The following NAALADL2 variants were observed in gnomAD, a reference collection of about 807,000 sequenced individuals.
NAALADL2 encodes N-acetylated alpha-linked acidic dipeptidase like 2, also known as inactive N-acetylated-alpha-linked acidic dipeptidase-like protein 2.
NAALADL2 carries 76 observed loss-of-function variants against 87.2 expected under a neutral mutation model. That is an observed-to-expected ratio of 0.87 (90% CI 0.72 to 1.05). NAALADL2 has a LOEUF of 1.05. Among genes scored for constraint, NAALADL2 ranks in the 50% least tolerant of loss-of-function variants. The pLI is 0.00. For synonymous variants in NAALADL2, 354 were observed against 331.0 expected (o/e 1.07, Z -0.75); for missense variants, 1,089 against 945.8 (o/e 1.15, Z -1.99).
At chr3:174,449,533 A>G (rs1325328301) in intron 1 of NAALADL2, among the ~76,000 whole-genome samples, 1 of 152,214 alleles carries the variant, frequency 6.6e-6, no homozygotes, top group African/African-American at 2.4e-5. Context: ...AACTATTTCC[A>G]GACAATCACG....
intron 1 of NAALADL2, among the ~76,000 whole-genome samples, chr3:174,547,106 A>G (rs996174671): frequency 6.6e-6 from 1 of 152,148 alleles, no homozygotes; most frequent in Non-Finnish European, 1.5e-5. Context: ...ACTTAATTTT[A>G]TAATGTGGGA....
intron 11 of NAALADL2, among the ~76,000 whole-genome samples, chr3:175,669,599 T>C (rs754827929): frequency 2.6e-5 from 4 of 152,068 alleles, no homozygotes; most frequent in South Asian, 2.1e-4. Context: ...AAGTCATACA[T>C]TGAATGACTA....
chr3:175,281,264 G>A (rs4404457), intron 4 of NAALADL2, among the ~76,000 whole-genome samples: 27,358 of 151,252 alleles, frequency 0.18, 3,052 homozygotes, highest in East Asian at 0.49. Context: ...ATTTTACATG[G>A]TATATATTTT....
At position 175,804,910 on chromosome 3, in the gene NAALADL2, ATG is replaced by A. The variant is rs1754568731; in HGVS notation, c.*1708_*1709del. The A allele has an allele frequency of 6.6e-6, 1 of 151,950 alleles. No homozygotes were observed. 9.4% of individuals were successfully genotyped at this position (151,950 alleles called of 1,614,324 possible). Reference sequence around the variant, plus strand: ...GTGTGCACATATTTTTAGATGAAAAATGAAACTACCTTACAATATTATTTTTT... The same window carrying A: ...GTGTGCACATATTTTTAGATGAAAAAAAACTACCTTACAATATTATTTTTT... On this transcript the variant is annotated 3_prime_UTR_variant, in exon 14 of 14. Coordinates refer to ENST00000454872, the MANE Select transcript of NAALADL2 (RefSeq NM_207015.3).
chr3:174,720,971 A>AT (rs998451129), intron 2 of NAALADL2, among the ~76,000 whole-genome samples: 1 of 152,220 alleles, frequency 6.6e-6, no homozygotes, highest in African/African-American at 2.4e-5. Flanking sequence ...TAATTTCAAT[A>AT]TTTTCAACTT....
intron 2 of NAALADL2, among the ~76,000 whole-genome samples, chr3:175,115,573 A>G (rs1351969051): frequency 6.6e-6 from 1 of 151,744 alleles, no homozygotes; most frequent in Non-Finnish European, 1.5e-5. Flanking sequence ...GCTATTAAGC[A>G]GCAAATGTAA....
chr3:174,537,192 G>T (rs1341926330), intron 1 of NAALADL2, among the ~76,000 whole-genome samples: 1 of 152,116 alleles, frequency 6.6e-6, no homozygotes, highest in Non-Finnish European at 1.5e-5. Flanking sequence ...TATCACAAGG[G>T]TGTTTGAATC....
chr3:175,630,063 T>C (rs1727546265), intron 11 of NAALADL2, among the ~76,000 whole-genome samples: 2 of 151,784 alleles, frequency 1.3e-5, no homozygotes, highest in South Asian at 2.1e-4. Flanking sequence ...TACCCAATGT[T>C]GATTCTGTTT....
chr3:175,176,104 T>C (rs562104271), intron 2 of NAALADL2, among the ~76,000 whole-genome samples: 2 of 152,280 alleles, frequency 1.3e-5, no homozygotes, highest in Non-Finnish European at 2.9e-5. Flanking sequence ...CATTTCATAC[T>C]GAATGATTTT....
intron 1 of NAALADL2, among the ~76,000 whole-genome samples, chr3:174,532,818 A>G (rs954144737): frequency 2.0e-4 from 31 of 152,000 alleles, no homozygotes; most frequent in African/African-American, 6.8e-4. Context: ...AATCTATCAC[A>G]TTAAGTTATA....
intron 1 of NAALADL2, among the ~76,000 whole-genome samples, chr3:174,443,672 C>G (rs1480637807): frequency 6.6e-6 from 1 of 152,018 alleles, no homozygotes; most frequent in Non-Finnish European, 1.5e-5. Context: ...TTGAAGATGA[C>G]CAGGGACCAG....
At chr3:175,777,965 A>C (rs1270180447) in intron 13 of NAALADL2, among the ~76,000 whole-genome samples, 1 of 152,194 alleles carries the variant, frequency 6.6e-6, no homozygotes, top group East Asian at 1.9e-4. Context: ...CTAATAGTTA[A>C]AATACGTTTA....
intron 2 of NAALADL2, among the ~76,000 whole-genome samples, chr3:175,204,904 C>T (rs1392910951): frequency 6.6e-6 from 1 of 151,638 alleles, no homozygotes; most frequent in Non-Finnish European, 1.5e-5. Context: ...ACTAAAGAGT[C>T]AAAAGACCTC....
chr3:174,577,830 C>G (rs947158877), intron 2 of NAALADL2, among the ~76,000 whole-genome samples: 2 of 151,968 alleles, frequency 1.3e-5, no homozygotes, highest in Non-Finnish European at 1.5e-5. Context: ...GATCTTGAAA[C>G]TATCTGACAA....
intron 1 of NAALADL2, among the ~76,000 whole-genome samples, chr3:175,039,306 A>G (rs150835232): frequency 6.6e-6 from 1 of 152,236 alleles, no homozygotes; most frequent in African/African-American, 2.4e-5. Flanking sequence ...AGCTGGAACT[A>G]CAGGCATGTG....
intron 2 of NAALADL2, among the ~76,000 whole-genome samples, chr3:175,181,678 CATATATATATATAT>C (rs140291952): frequency 1.4e-3 from 74 of 51,884 alleles, no homozygotes; most frequent in African/African-American, 4.4e-3. Context: ...ATTCCATTGG[CATATATATATATAT>C]ATATATATAT....
intron 1 of NAALADL2, among the ~76,000 whole-genome samples, chr3:174,446,651 A>T (rs1715075875): frequency 6.6e-6 from 1 of 152,134 alleles, no homozygotes; most frequent in Admixed American, 6.5e-5. Context: ...TTCTTGGGGC[A>T]TCCAGTTCTA....
At chr3:174,585,262 A>G (rs1008042810) in intron 2 of NAALADL2, among the ~76,000 whole-genome samples, 3 of 152,152 alleles carry the variant, frequency 2.0e-5, no homozygotes, top group Admixed American at 2.0e-4. Flanking sequence ...GAACCACTGC[A>G]TTGGGCTGTA....
chr3:175,697,523 T>A (rs1257703647), intron 11 of NAALADL2, among the ~76,000 whole-genome samples: 1 of 151,608 alleles, frequency 6.6e-6, no homozygotes, highest in South Asian at 2.1e-4. Context: ...AAAACCCTAC[T>A]TATGAGGGTG....
Sources: gnomAD v4.1 joint callset for allele counts (sites outside exome capture counted in the v4.1 genomes callset) on GRCh38, gnomAD v4.1.1 for gene constraint, MANE v1.5 for transcripts, NCBI Gene and HGNC (gene_info 2026-07-23, HGNC 2026-07-21) for gene names.